Variants in OR2S2 observed in about 807,000 individuals in gnomAD.
The protein encoded by OR2S2 is olfactory receptor family 2 subfamily S member 2, also known as olfactory receptor 2S2.
For missense variants in OR2S2, 365 were observed against 389.5 expected, an observed-to-expected ratio of 0.94 and a Z score of 0.53; for synonymous variants, 153 against 159.3, an observed-to-expected ratio of 0.96 and a Z score of 0.30.
rs766252336 is a variant in OR2S2 at position 35,957,348 on chromosome 9, C to A, written c.751G>T (p.Val251Phe). 1.9e-6 allele frequency: 3 copies of A among 1,614,002 alleles called. No homozygotes were observed. The highest frequency in any genetic ancestry group is 2.2e-5 in the South Asian group (2 of 91,068). The change falls in exon 1 of 1, where the codon GTC becomes TTC. Residue 251 changes from valine (V) to phenylalanine (F), a missense_variant. Physicochemically the swap from Val to Phe is conservative, Grantham distance 50 (BLOSUM62 -1). Coordinates refer to ENST00000341959, the MANE Select transcript of OR2S2 (RefSeq NM_019897.2). Reference sequence around the variant, plus strand: ...ATGAAGAATAAGGTCCCGTAGAAGACGATCACCACGGTGAGGTGGGCAGAG... The same window carrying A: ...ATGAAGAATAAGGTCCCGTAGAAGAAGATCACCACGGTGAGGTGGGCAGAG... ...TCSAHLTVVIVFYGTLFFMYG... is the reference protein window; with the variant it reads ...TCSAHLTVVIFFYGTLFFMYG...
rs749339859 is a variant in OR2S2, at chr9:35,957,858, G to A, written c.241C>T (p.Leu81=). 1 of 1,614,178 alleles carries A rather than the reference G, an allele frequency of 6.2e-7. No individual in the cohort carries two copies. Among genetic ancestry groups the A allele is most frequent in the Non-Finnish European group, 8.5e-7 (1 of 1,180,022 alleles). Residue 81 remains leucine (L), a synonymous_variant, in exon 1 of 1, where the codon CTG becomes TTG. Coordinates refer to ENST00000341959, the MANE Select transcript of OR2S2 (RefSeq NM_019897.2). ...GGAGTCAAAAAGCTGTCCAGGACCA[G>A]TGGGACTGAGGAGGTAGTGAAGCAG... The part of the protein sequence containing the change: ...DICFTTSSVP[L]VLDSFLTPQE...
chr9:35,958,084 A>T lies in OR2S2; in HGVS notation c.15T>A (p.Asn5Lys). MEKA[N>K]ETSPVMGFVL... ...CGAACCCCATCACAGGGGAGGTCTCATTGGCTTTTTCCATGTGATATCCCC... is the reference window on the plus strand; with the variant it reads ...CGAACCCCATCACAGGGGAGGTCTCTTTGGCTTTTTCCATGTGATATCCCC... Residue 5 changes from asparagine to lysine, a missense_variant, in exon 1 of 1, where the codon AAT becomes AAA. Coordinates refer to ENST00000341959, the MANE Select transcript of OR2S2 (RefSeq NM_019897.2). 1 of 1,613,376 alleles carries T rather than the reference A, an allele frequency of 6.2e-7. No homozygotes were observed. Among genetic ancestry groups the T allele is most frequent in the Non-Finnish European group, 8.5e-7 (1 of 1,179,548 alleles).
chr9:35,958,048 C>G lies in OR2S2; in HGVS notation c.51G>C (p.Arg17Ser). 6.2e-7 allele frequency: 1 copy of G among 1,614,098 alleles called. No homozygotes were observed. The highest frequency in any genetic ancestry group is 8.5e-7 in the Non-Finnish European group (1 of 1,179,982). ...TTTCCAGCTCTGGGTGGGCAGAGAG[C>G]CTCAGGAGAACGAACCCCATCACAG... ...TSPVMGFVLL[R>S]LSAHPELEKT... is the part of the protein sequence containing the mutation. Residue 17 changes from arginine (R) to serine (S), a missense_variant, in exon 1 of 1, where the codon AGG becomes AGC. Arg to Ser is a moderately radical substitution (Grantham distance 110). Transcript: ENST00000341959.
chr9:35,957,766 T>C lies in OR2S2; in HGVS notation c.333A>G (p.Thr111=), dbSNP rs527372177. 1.8e-5 allele frequency: 29 copies of C among 1,614,220 alleles called. 2 individuals are homozygous for C. The South Asian group carries it at 3.0e-4, about 16-fold the overall frequency. Residue 111 remains threonine, a synonymous_variant, in exon 1 of 1, where the codon ACA becomes ACG. Transcript: ENST00000341959. Reference sequence around the variant, plus strand: ...CCATCATGCTCAGGAGCAAGCACTCTGTTCCTGCCATGGCAAAGGAGAGTG... The same window carrying C: ...CCATCATGCTCAGGAGCAAGCACTCCGTTCCTGCCATGGCAAAGGAGAGTG... ...QMALSFAMAG[T]ECLLLSMMAF...
At position 35,957,155 on chromosome 9, in the gene OR2S2, T is replaced by G. The variant is rs753599792; in HGVS notation, c.944A>C (p.Lys315Thr). The G allele has an allele frequency of 4.4e-6, 7 of 1,598,262 alleles. No homozygotes were observed. In the East Asian group the frequency reaches 1.6e-4, roughly 36 times the overall value. ...KAAVRRLLRPKGFTQ is the reference protein window; with the variant it reads ...KAAVRRLLRPTGFTQ ...CTTCCACCATCACTGAGTGAAGCCT[T>G]TTGGTCTCAGCAGTCTCCTCACAGC... is the stretch of plus-strand genomic sequence containing the variant. Residue 315 changes from lysine (K) to threonine (T), a missense_variant, in exon 1 of 1, where the codon AAA becomes ACA. Lys to Thr is a moderately conservative substitution (Grantham distance 78, BLOSUM62 -1). Transcript: ENST00000341959.
Position 35,957,419 on chromosome 9 carries a change from A to T in OR2S2, c.680T>A (p.Leu227Gln). 1 of 1,614,138 alleles carries T rather than the reference A, an allele frequency of 6.2e-7. No individual in the cohort carries two copies. Among genetic ancestry groups the T allele is most frequent in the Non-Finnish European group, 8.5e-7 (1 of 1,180,016 alleles). Residue 227 changes from leucine to glutamine, a missense_variant, in exon 1 of 1, where the codon CTG becomes CAG. Coordinates refer to ENST00000341959, the MANE Select transcript of OR2S2 (RefSeq NM_019897.2). ...CCTCCCCTCAGCTGAGGGGATCCTC[A>T]GGATGGTGGTGATGATGAAGACATA... ...FSYVFIITTI[L>Q]RIPSAEGRKK...
rs1833570051 is a variant in OR2S2, at chr9:35,957,570, G to A, written c.529C>T (p.His177Tyr). 1 of 1,614,116 alleles carries A rather than the reference G, an allele frequency of 6.2e-7. No homozygotes were observed. The highest frequency in any genetic ancestry group is 1.1e-5 in the South Asian group (1 of 91,090). Residue 177 changes from histidine to tyrosine, a missense_variant, in exon 1 of 1, where the codon CAC (histidine) becomes TAC (tyrosine). Physicochemically the swap from His to Tyr is moderately conservative, Grantham distance 83 (BLOSUM62 2). Transcript: ENST00000341959. ...LPFCGDNVIN[H>Y]FTCEILAVLK... is the part of the protein sequence containing the mutation. ...ACAGCCAGAATCTCACAGGTGAAGT[G>A]GTTGATGACATTGTCTCCACAGAAG...
rs1833572909 is a variant in OR2S2 at position 35,957,761 on chromosome 9, C to A, written c.338G>T (p.Cys113Phe). 1.2e-6 allele frequency: 2 copies of A among 1,614,230 alleles called. No individual in the cohort carries two copies. Among genetic ancestry groups the A allele is most frequent in the Non-Finnish European group, 8.5e-7 (1 of 1,180,034 alleles). Residue 113 changes from cysteine to phenylalanine, a missense_variant, in exon 1 of 1, where the codon TGC becomes TTC. Cys to Phe is a radical substitution (Grantham distance 205). Coordinates refer to ENST00000341959, the MANE Select transcript of OR2S2 (RefSeq NM_019897.2). ...AAATGCCATCATGCTCAGGAGCAAG[C>A]ACTCTGTTCCTGCCATGGCAAAGGA... Reference protein sequence around the residue: ...ALSFAMAGTECLLLSMMAFDR... With the variant: ...ALSFAMAGTEFLLLSMMAFDR...
rs1360563044 is a variant in OR2S2, at chr9:35,957,653, G to C, written c.446C>G (p.Ser149Cys). Residue 149 changes from serine to cysteine, a missense_variant, in exon 1 of 1, where the codon TCC (serine) becomes TGC (cysteine). Ser to Cys is a moderately radical substitution (Grantham distance 112). Transcript: ENST00000341959. ...GGAAGCAGCACCACCAATAGCCCAG[G>C]AGCTGGCAGCCATGGGCATGTAGGC... The part of the protein sequence containing the change: ...KAAYMPMAAS[S>C]WAIGGAASVV... 2 of 1,614,226 alleles carry C rather than the reference G, an allele frequency of 1.2e-6. No individual in the cohort carries two copies. The highest frequency in any genetic ancestry group is 3.3e-5 in the Admixed American group (2 of 60,032).
At position 35,958,105 on chromosome 9, in the gene OR2S2, TC is replaced by T; in HGVS notation, c.-8del. The T allele has an allele frequency of 6.2e-7, 1 of 1,609,242 alleles. No homozygotes were observed. Among genetic ancestry groups the T allele is most frequent in the South Asian group, 1.1e-5 (1 of 89,850 alleles). On this transcript the variant is annotated 5_prime_UTR_variant, in exon 1 of 1. Coordinates refer to ENST00000341959, the MANE Select transcript of OR2S2 (RefSeq NM_019897.2). Reference sequence around the variant, plus strand: ...TCTCATTGGCTTTTTCCATGTGATATCCCCTCTGCCATCAGCAAAGTACTGA... The same window carrying T: ...TCTCATTGGCTTTTTCCATGTGATATCCCTCTGCCATCAGCAAAGTACTGA...
In OR2S2 at chr9:35,957,925, C is replaced by T. The variant is rs149675701; in HGVS notation, c.174G>A (p.Thr58=). Residue 58 remains threonine, a synonymous_variant, in exon 1 of 1, where the codon ACG becomes ACA. Coordinates refer to ENST00000341959, the MANE Select transcript of OR2S2 (RefSeq NM_019897.2). ...GGTTCCCTAGGAAGAAGTACATGGG[C>T]GTGTGCAGGCGGGAGTCAAGGATGG... ...LVTILDSRLH[T]PMYFFLGNLS... is the part of the protein sequence containing the mutation. 1,560 of 1,614,124 alleles carry T rather than the reference C, an allele frequency of 9.7e-4. 29 individuals carry two copies. The South Asian group carries it at 0.015, about 15-fold the overall frequency.
chr9:35,957,530 C>G lies in OR2S2; in HGVS notation c.569G>C (p.Cys190Ser). The G allele has an allele frequency of 6.2e-7, 1 of 1,614,218 alleles. No individual in the cohort carries two copies. The highest frequency in any genetic ancestry group is 1.1e-5 in the South Asian group (1 of 91,084). Residue 190 changes from cysteine (C) to serine (S), a missense_variant, in exon 1 of 1, where the codon TGT becomes TCT. Coordinates refer to ENST00000341959, the MANE Select transcript of OR2S2 (RefSeq NM_019897.2). ...GATCACATTGATGGAAATGTCAGCA[C>G]AGGCCAACTTTAGAACAGCCAGAAT... ...CEILAVLKLA[C>S]ADISINVISM... is the part of the protein sequence containing the mutation.
In OR2S2 at chr9:35,957,912, A is replaced by C. The variant is rs1833574662; in HGVS notation, c.187T>G (p.Phe63Val). 1 of 1,614,188 alleles carries C rather than the reference A, an allele frequency of 6.2e-7. No individual in the cohort carries two copies. ...DSRLHTPMYFFLGNLSFLDIC... is the reference protein window; with the variant it reads ...DSRLHTPMYFVLGNLSFLDIC... ...TCCAGGAAGGAGAGGTTCCCTAGGA[A>C]GAAGTACATGGGCGTGTGCAGGCGG... The change falls in exon 1 of 1, where the codon TTC becomes GTC. Residue 63 changes from phenylalanine (F) to valine (V), a missense_variant. Transcript: ENST00000341959.
chr9:35,957,376 G>A lies in OR2S2; in HGVS notation c.723C>T (p.Thr241=), dbSNP rs1266637645. 1.2e-6 allele frequency: 2 copies of A among 1,614,108 alleles called. No individual in the cohort carries two copies. Among genetic ancestry groups the A allele is most frequent in the Non-Finnish European group, 1.7e-6 (2 of 1,180,014 alleles). The part of the protein sequence containing the change: ...SAEGRKKVFS[T]CSAHLTVVIV... ...TCACCACGGTGAGGTGGGCAGAGCA[G>A]GTGGAGAAGACCTTTTTCCTCCCCT... Residue 241 remains threonine (T), a synonymous_variant, in exon 1 of 1, where the codon ACC becomes ACT. Transcript: ENST00000341959.
Position 35,957,336 on chromosome 9 carries a change from T to G in OR2S2, c.763A>C (p.Thr255Pro). The change falls in exon 1 of 1, where the codon ACC (threonine) becomes CCC (proline). Residue 255 changes from threonine to proline, a missense_variant. Physicochemically the swap from Thr to Pro is conservative, Grantham distance 38. Coordinates refer to ENST00000341959, the MANE Select transcript of OR2S2 (RefSeq NM_019897.2). The stretch of plus-strand genomic sequence containing the variant: ...GGCTTCCCATACATGAAGAATAAGG[T>G]CCCGTAGAAGACGATCACCACGGTG... The part of the protein sequence containing the change: ...HLTVVIVFYG[T>P]LFFMYGKPKS... 8 of 1,614,052 alleles carry G rather than the reference T, an allele frequency of 5.0e-6. No individual in the cohort carries two copies. The highest frequency in any genetic ancestry group is 6.8e-6 in the Non-Finnish European group (8 of 1,179,994).
rs141826159 is a variant in OR2S2, at chr9:35,957,351, T to C, written c.748A>G (p.Ile250Val). ...AAGAATAAGGTCCCGTAGAAGACGA[T>C]CACCACGGTGAGGTGGGCAGAGCAG... Reference protein sequence around the residue: ...STCSAHLTVVIVFYGTLFFMY... With the variant: ...STCSAHLTVVVVFYGTLFFMY... The change falls in exon 1 of 1, where the codon ATC (isoleucine) becomes GTC (valine). Residue 250 changes from isoleucine to valine, a missense_variant. Physicochemically the swap from Ile to Val is conservative, Grantham distance 29 (BLOSUM62 3). Coordinates refer to ENST00000341959, the MANE Select transcript of OR2S2 (RefSeq NM_019897.2). 30 of 1,613,980 alleles carry C rather than the reference T, an allele frequency of 1.9e-5. No individual in the cohort carries two copies. In the African/African-American group the frequency reaches 3.7e-4, roughly 20 times the overall value.
chr9:35,957,254 G>A lies in OR2S2; in HGVS notation c.845C>T (p.Pro282Leu), dbSNP rs765178067. Residue 282 changes from proline to leucine, a missense_variant, in exon 1 of 1, where the codon CCC becomes CTC. Transcript: ENST00000341959. ...DKEDLSDKLI[P>L]LFYGVVTPML... ...CGGGGTCACCACCCCATAGAAAAGG[G>A]GGATGAGTTTGTCTGAAAGATCCTC... The A allele has an allele frequency of 4.3e-6, 7 of 1,614,134 alleles. No homozygotes were observed. The highest frequency in any genetic ancestry group is 2.2e-5 in the East Asian group (1 of 44,878).
rs2233567 is a variant in OR2S2, at chr9:35,957,386, A to G, written c.713T>C (p.Val238Ala). ...RIPSAEGRKK[V>A]FSTCSAHLTV... is the part of the protein sequence containing the mutation. Reference sequence around the variant, plus strand: ...GAGGTGGGCAGAGCAGGTGGAGAAGACCTTTTTCCTCCCCTCAGCTGAGGG... The same window carrying G: ...GAGGTGGGCAGAGCAGGTGGAGAAGGCCTTTTTCCTCCCCTCAGCTGAGGG... Residue 238 changes from valine to alanine, a missense_variant, in exon 1 of 1, where the codon GTC (valine) becomes GCC (alanine). By Grantham distance (64) the Val-to-Ala change is moderately conservative. Transcript: ENST00000341959. 7,756 of 1,614,022 alleles carry G rather than the reference A, an allele frequency of 4.8e-3. 218 individuals carry two copies. The African/African-American group carries it at 0.068, about 14-fold the overall frequency.
In OR2S2 at chr9:35,958,033, T is replaced by TG; in HGVS notation, c.65dup (p.Glu23ArgfsTer31). On this transcript the variant is annotated frameshift_variant, in exon 1 of 1. Coordinates refer to ENST00000341959, the MANE Select transcript of OR2S2 (RefSeq NM_019897.2). ...GCACGAAGAATGTCTTTTCCAGCTC[T>TG]GGGTGGGCAGAGAGCCTCAGGAGAA... 6.2e-7 allele frequency: 1 copy of TG among 1,614,102 alleles called. No homozygotes were observed. The highest frequency in any genetic ancestry group is 1.7e-5 in the Admixed American group (1 of 60,020).
Sources: gnomAD v4.1 joint callset for allele counts on GRCh38, gnomAD v4.1.1 for gene constraint, MANE v1.5 for transcripts, NCBI Gene and HGNC (gene_info 2026-07-23, HGNC 2026-07-21) for gene names.